CEP120: variants seen among roughly 807,000 people sequenced by gnomAD.
The protein encoded by CEP120 is centrosomal protein 120, also known as centrosomal protein of 120 kDa.
CEP120 carries 113 observed loss-of-function variants against 126.5 expected under a neutral mutation model. The observed-to-expected ratio is 0.89, with a 90% CI of 0.77 to 1.04. The LOEUF is 1.04. Ranked by LOEUF, CEP120 falls within the 50% of genes least tolerant of loss-of-function variation. The pLI is 0.00. For synonymous variants in CEP120, 400 were observed against 394.3 expected (o/e 1.01, Z -0.17); for missense variants, 1,230 against 1,155.7 (o/e 1.06, Z -0.93).
chr5:123,415,185 G>T (rs1349730851), intron 3 of CEP120, among the ~76,000 whole-genome samples: 1 of 152,014 alleles, frequency 6.6e-6, no homozygotes, highest in Non-Finnish European at 1.5e-5. Context: ...AAGCAGGGAG[G>T]CTATTATGAT....
chr5:123,389,822 C>T, intron 8 of CEP120, 102 bp downstream of exon 8: 1 of 1,075,872 alleles, frequency 9.3e-7, no homozygotes, highest in African/African-American at 1.6e-5. Context: ...AACAAACCCA[C>T]AATTTTTACT....
chr5:123,400,658 G>A (rs1773133956), intron 4 of CEP120, among the ~76,000 whole-genome samples: 1 of 99,858 alleles, frequency 1.0e-5, no homozygotes, highest in African/African-American at 3.7e-5. Flanking sequence ...TATATATATG[G>A]CTTTTTTTTT....
In CEP120 at chr5:123,389,969, C is replaced by T. The variant is rs1295663557; in HGVS notation, c.1210G>A (p.Val404Met). Residue 404 changes from valine to methionine, a missense_variant, in exon 8 of 20, where the codon GTG (valine) becomes ATG (methionine). Val to Met is a conservative substitution (Grantham distance 21, BLOSUM62 1). Transcript: ENST00000306467. ...PTKDDATESE[V>M]ESLQYDKDTK... ...TCCTTATCATACTGTAAACTTTCCA[C>T]TTCACTTTCTGTTGCATCATCTTTT... 3 of 1,614,068 alleles carry T rather than the reference C, an allele frequency of 1.9e-6. No homozygotes were observed. The African/African-American group carries it at 4.0e-5, about 22-fold the overall frequency.
intron 18 of CEP120, among the ~76,000 whole-genome samples, chr5:123,361,834 C>T (rs906035147): frequency 2.6e-5 from 4 of 151,738 alleles, no homozygotes; most frequent in African/African-American, 9.7e-5. Context: ...CTGTATTAAA[C>T]ACTTTAAAAC....
intron 17 of CEP120, among the ~76,000 whole-genome samples, chr5:123,366,879 G>GTT (rs752977655): frequency 0.17 from 26,427 of 151,728 alleles, 2,791 homozygotes; most frequent in Middle Eastern, 0.25. Flanking sequence ...TTCCTCAACA[G>GTT]GAAACCTACT....
intron 16 of CEP120, 87 bp from the exon 17 acceptor site, chr5:123,372,859 T>C (rs538052869): frequency 9.5e-7 from 1 of 1,054,658 alleles, no homozygotes; most frequent in African/African-American, 1.6e-5. Context: ...TCTTTTTTTT[T>C]ATTCTACAGC....
chr5:123,416,065 T>G lies in CEP120; in HGVS notation c.266A>C (p.Lys89Thr). The G allele has an allele frequency of 6.2e-7, 1 of 1,614,168 alleles. No individual in the cohort carries two copies. The highest frequency in any genetic ancestry group is 8.5e-7 in the Non-Finnish European group (1 of 1,179,988). The change falls in exon 3 of 20, where the codon AAG (lysine) becomes ACG (threonine). Residue 89 changes from lysine (K) to threonine (T), a missense_variant. Transcript: ENST00000306467. ...CFALDPVTSA[K>T]ETIGYIVLDL... ...CAGAACGATGTAACCTATGGTTTCC[T>G]TGGCTGAAGTTACAGGATCCAAGGC...
chr5:123,401,008 G>A (rs1773182523), intron 4 of CEP120: 16 of 1,555,632 alleles, frequency 1.0e-5, no homozygotes, highest in East Asian at 2.2e-5. Context: ...TAGCTGGTGC[G>A]GCTGAAGGAG....
In CEP120 at chr5:123,346,765, A is replaced by AG; in HGVS notation, c.2727-13dup. ...CTTGTTGCCTTAACCTGAGAAGTCA[A>AG]GAACAAATGCCACTGTAGCAACTGT... On this transcript the variant is annotated splice_polypyrimidine_tract_variant and intron_variant, in intron 19 of 19. Coordinates refer to ENST00000306467, the MANE Select transcript of CEP120 (RefSeq NM_001375405.1). 1 of 1,563,210 alleles carries AG rather than the reference A, an allele frequency of 6.4e-7. No individual in the cohort carries two copies. Among genetic ancestry groups the AG allele is most frequent in the African/African-American group, 1.4e-5 (1 of 73,162 alleles).
intron 1 of CEP120, among the ~76,000 whole-genome samples, chr5:123,421,834 T>A (rs1406796738): frequency 1.3e-5 from 2 of 152,208 alleles, no homozygotes; most frequent in Admixed American, 1.3e-4. Flanking sequence ...TAACAGTTAA[T>A]AGTGCTCCAA....
intron 5 of CEP120, 75 bp downstream of exon 5, chr5:123,399,061 T>C (rs1463782136): frequency 8.4e-7 from 1 of 1,191,240 alleles, no homozygotes. Context: ...CAAGTCTTTT[T>C]AATACCTGAA....
chr5:123,364,229 A>G (rs1004219364), intron 18 of CEP120, among the ~76,000 whole-genome samples: 2 of 151,644 alleles, frequency 1.3e-5, no homozygotes, highest in Admixed American at 6.6e-5. Flanking sequence ...TGGTTGTTTT[A>G]TAAGTGAAAG....
intron 8 of CEP120, 129 bp from the exon 9 acceptor site, chr5:123,388,735 A>G (rs750135126): frequency 3.2e-6 from 2 of 619,632 alleles, no homozygotes; most frequent in Non-Finnish European, 5.1e-6. Context: ...TCTCATGAAC[A>G]TATGAATTGA....
chr5:123,350,204 T>G (rs894886394), intron 18 of CEP120, 115 bp from the exon 19 acceptor site: 169 of 877,754 alleles, frequency 1.9e-4, no homozygotes, highest in Non-Finnish European at 2.5e-4. Flanking sequence ...AGCCACACAC[T>G]GCCAATTCTT....
intron 14 of CEP120, among the ~76,000 whole-genome samples, chr5:123,379,009 G>A (rs976816514): frequency 6.6e-6 from 1 of 151,798 alleles, no homozygotes; most frequent in East Asian, 1.9e-4. Context: ...GAAGACAGCG[G>A]AACACAACAG....
At chr5:123,378,790 C>G (rs1238973602) in intron 14 of CEP120, among the ~76,000 whole-genome samples, 1 of 151,836 alleles carries the variant, frequency 6.6e-6, no homozygotes, top group South Asian at 2.1e-4. Context: ...ACTAAATAGC[C>G]AAGTGTGGAG....
Position 123,374,213 on chromosome 5 carries a change from AAACAACAACAAC to A in CEP120, c.2359-1453_2359-1442del, listed in dbSNP as rs577450819. Among the ~76,000 whole-genome samples, 5 of 152,000 alleles carry A rather than the reference AAACAACAACAAC, an allele frequency of 3.3e-5. No homozygotes were observed. The South Asian group carries it at 1.0e-3, about 32-fold the overall frequency. ...TCAATTCCTTCATACTAATAGGTAAAAACAACAACAACAACAACAACAACAAAAACTGAAAGT... is the reference window on the plus strand; with the variant it reads ...TCAATTCCTTCATACTAATAGGTAAAAACAACAACAACAAAAACTGAAAGT... On this transcript the variant is annotated intron_variant, in intron 16 of 19. Transcript: ENST00000306467.
chr5:123,366,130 C>T (rs1260500794), intron 17 of CEP120, among the ~76,000 whole-genome samples: 1 of 151,776 alleles, frequency 6.6e-6, no homozygotes, highest in African/African-American at 2.4e-5. Flanking sequence ...TAATTCATTC[C>T]TATCCCCAAA....
chr5:123,387,603 A>G (rs1364580473), intron 9 of CEP120, among the ~76,000 whole-genome samples: 4 of 152,238 alleles, frequency 2.6e-5, no homozygotes, highest in Admixed American at 2.6e-4. Flanking sequence ...GTGCCTTAAA[A>G]TGATTCAAAG....
Sources: gnomAD v4.1 joint callset for allele counts (sites outside exome capture counted in the v4.1 genomes callset) on GRCh38, gnomAD v4.1.1 for gene constraint, MANE v1.5 for transcripts, NCBI Gene and HGNC (gene_info 2026-07-23, HGNC 2026-07-21) for gene names.